The following TGFBR3 variants were observed in gnomAD, a reference collection of about 807,000 sequenced individuals.
TGFBR3 encodes the protein transforming growth factor beta receptor type 3.
A neutral mutation model predicts 87.9 loss-of-function variants in TGFBR3; 46 were observed. That is an observed-to-expected ratio of 0.52 (90% CI 0.41 to 0.67). The LOEUF is 0.67. Among genes scored for constraint, TGFBR3 ranks in the 30% least tolerant of loss-of-function variants. The pLI is 0.00. For synonymous variants in TGFBR3, 381 were observed against 391.6 expected (o/e 0.97, Z 0.32); for missense variants, 866 against 1,041.9 (o/e 0.83, Z 2.32).
At chr1:91,766,503 T>G in intron 3 of TGFBR3, 1 of 136,228 alleles carries the variant, frequency 7.3e-6, no homozygotes. Flanking sequence ...ATCACTAGAG[T>G]GATCATTAGA....
chr1:91,855,542 T>C (rs565300640), intron 2 of TGFBR3, among the ~76,000 whole-genome samples: 1 of 152,346 alleles, frequency 6.6e-6, no homozygotes, highest in Non-Finnish European at 1.5e-5. Flanking sequence ...TGGGAGGTTG[T>C]TTTGTTTTTG....
At position 91,734,715 on chromosome 1, in the gene TGFBR3, CAGAAA is replaced by C. The variant is rs1201427763; in HGVS notation, c.568+56_568+60del. 16 of 1,595,452 alleles carry C rather than the reference CAGAAA, an allele frequency of 1.0e-5. No individual in the cohort carries two copies. In the South Asian group the frequency reaches 1.1e-4, roughly 11 times the overall value. ...ATTCCTTGCCCTAACCACCTGGTTT[CAGAAA>C]AGAAAACAATTGCCTGTCATAAATC... On this transcript the variant is annotated intron_variant, in intron 5 of 16. Coordinates refer to ENST00000212355, the MANE Select transcript of TGFBR3 (RefSeq NM_003243.5).
chr1:91,794,630 C>G (rs1273225409), intron 3 of TGFBR3, among the ~76,000 whole-genome samples: 5 of 152,196 alleles, frequency 3.3e-5, no homozygotes, highest in African/African-American at 9.6e-5. Flanking sequence ...ATTTCACATA[C>G]ATGGAATCAT....
intron 3 of TGFBR3, 125 bp downstream of exon 3, chr1:91,797,162 G>A: frequency 2.8e-6 from 3 of 1,068,658 alleles, no homozygotes; most frequent in Non-Finnish European, 4.3e-6. Flanking sequence ...TTTTAAATCT[G>A]TTCTCTTATG....
At chr1:91,729,108 G>A (rs981480900) in intron 6 of TGFBR3, among the ~76,000 whole-genome samples, 1 of 121,252 alleles carries the variant, frequency 8.2e-6, no homozygotes, top group African/African-American at 3.2e-5. Context: ...AAGCGCTATC[G>A]AATGGCTCTT....
chr1:91,744,795 G>A (rs1673281598), intron 4 of TGFBR3, among the ~76,000 whole-genome samples: 1 of 152,204 alleles, frequency 6.6e-6, no homozygotes, highest in Non-Finnish European at 1.5e-5. Context: ...AAGCTCGAAT[G>A]AGATTGTTTG....
At chr1:91,902,905 G>A (rs990413709) in intron 1 of TGFBR3, among the ~76,000 whole-genome samples, 2 of 151,850 alleles carry the variant, frequency 1.3e-5, no homozygotes, top group Non-Finnish European at 1.5e-5. Context: ...TGCCTGCAAT[G>A]CTGAGGATCT....
intron 3 of TGFBR3, among the ~76,000 whole-genome samples, chr1:91,789,607 C>A (rs1313800742): frequency 6.6e-6 from 1 of 152,114 alleles, no homozygotes; most frequent in African/African-American, 2.4e-5. Context: ...TTTCCTAAAC[C>A]CCGGTGTTTG....
At chr1:91,769,709 T>G (rs578207775) in intron 3 of TGFBR3, among the ~76,000 whole-genome samples, 1 of 152,126 alleles carries the variant, frequency 6.6e-6, no homozygotes, top group Non-Finnish European at 1.5e-5. Context: ...TATTTTACTC[T>G]GACACAAACC....
rs1204984522 is a variant in TGFBR3 at position 91,681,947 on chromosome 1, G to A, written c.*1792C>T. The A allele has an allele frequency of 5.7e-5, 26 of 452,310 alleles. No individual in the cohort carries two copies. Among genetic ancestry groups the A allele is most frequent in the Non-Finnish European group, 8.8e-5 (20 of 226,504 alleles). 28.0% of individuals were successfully genotyped at this position (452,310 alleles called of 1,614,324 possible). ...AATTCTCTAAACTCATGTCTTCTTC[G>A]TTTGTATATGGAAATCTAGAAATTT... On this transcript the variant is annotated 3_prime_UTR_variant, in exon 17 of 17. Transcript: ENST00000212355.
In TGFBR3 at chr1:91,681,631, C is replaced by T. The variant is rs779202869; in HGVS notation, c.*2108G>A. The T allele has an allele frequency of 3.4e-5, 15 of 437,794 alleles. No homozygotes were observed. The highest frequency in any genetic ancestry group is 7.0e-5 in the East Asian group (1 of 14,192). 27.1% of individuals were successfully genotyped at this position (437,794 alleles called of 1,614,324 possible). A position where few individuals can be genotyped will look rare whatever the true frequency, so the allele number is the denominator to read the frequency against. ...TTTTTTAAAAAAGCAAAGGACTGAT[C>T]GAAAGAATTCACAGTAGCTGAAATT... On this transcript the variant is annotated 3_prime_UTR_variant, in exon 17 of 17. Coordinates refer to ENST00000212355, the MANE Select transcript of TGFBR3 (RefSeq NM_003243.5).
chr1:91,755,868 T>C (rs7529421), intron 4 of TGFBR3, among the ~76,000 whole-genome samples: 1 of 152,026 alleles, frequency 6.6e-6, no homozygotes, highest in South Asian at 2.1e-4. Context: ...CCTTTTGATC[T>C]GGGGCCAGCC....
At chr1:91,883,596 T>C (rs1679182728) in intron 1 of TGFBR3, among the ~76,000 whole-genome samples, 1 of 152,186 alleles carries the variant, frequency 6.6e-6, no homozygotes, top group African/African-American at 2.4e-5. Context: ...TGACTAATAT[T>C]CAAAATAACA....
intron 3 of TGFBR3, among the ~76,000 whole-genome samples, chr1:91,789,501 A>C (rs1264840836): frequency 6.6e-6 from 1 of 152,188 alleles, no homozygotes; most frequent in Non-Finnish European, 1.5e-5. Flanking sequence ...GCATCTGGAT[A>C]TTACTGTGAC....
At chr1:91,698,268 T>C in intron 14 of TGFBR3, 138 bp from the exon 15 acceptor site, 1 of 775,590 alleles carries the variant, frequency 1.3e-6, no homozygotes, top group Non-Finnish European at 2.2e-6. Flanking sequence ...ATGATCCTCT[T>C]TAGATATCAA....
At chr1:91,795,116 A>G (rs284140) in intron 3 of TGFBR3, among the ~76,000 whole-genome samples, 108,534 of 152,092 alleles carry the variant, frequency 0.71, 39,524 homozygotes, top group African/African-American at 0.87. Flanking sequence ...CTACTCTGAG[A>G]TCTGCCGTAT....
intron 14 of TGFBR3, among the ~76,000 whole-genome samples, chr1:91,707,625 G>T (rs1356503416): frequency 6.6e-6 from 1 of 152,178 alleles, no homozygotes; most frequent in African/African-American, 2.4e-5. Context: ...AAGGCCCTTG[G>T]TGCCCAGGCT....
chr1:91,774,004 A>T (rs1243628009), intron 3 of TGFBR3, among the ~76,000 whole-genome samples: 1 of 152,250 alleles, frequency 6.6e-6, no homozygotes, highest in Non-Finnish European at 1.5e-5. Context: ...GGCAGAAGCA[A>T]AACAAATAAT....
intron 2 of TGFBR3, among the ~76,000 whole-genome samples, chr1:91,810,170 C>T (rs1675980614): frequency 6.6e-6 from 1 of 152,152 alleles, no homozygotes; most frequent in Non-Finnish European, 1.5e-5. Flanking sequence ...GCCATCCTCC[C>T]ACCTCGGCCT....
Sources: gnomAD v4.1 joint callset for allele counts (sites outside exome capture counted in the v4.1 genomes callset) on GRCh38, gnomAD v4.1.1 for gene constraint, MANE v1.5 for transcripts, NCBI Gene and HGNC (gene_info 2026-07-23, HGNC 2026-07-21) for gene names.